The following HPSE2 variants were observed in gnomAD, a reference collection of about 807,000 sequenced individuals.
The protein encoded by HPSE2 is inactive heparanase-2.
A neutral mutation model predicts 60.5 loss-of-function variants in HPSE2; 38 were observed. The ratio of observed to expected loss-of-function variants is 0.63; its 90% CI spans 0.48 to 0.82. The LOEUF (loss-of-function observed/expected upper bound fraction) is 0.82. HPSE2 is among the 40% of genes least tolerant of loss of function. HPSE2 has a pLI of 0.00. For synonymous variants in HPSE2, 295 were observed against 293.2 expected (o/e 1.01, Z -0.06); for missense variants, 713 against 740.4 (o/e 0.96, Z 0.43).
At chr10:98,635,858 G>A (rs935924382) in intron 7 of HPSE2, among the ~76,000 whole-genome samples, 1 of 151,792 alleles carries the variant, frequency 6.6e-6, no homozygotes, top group Admixed American at 6.6e-5. Flanking sequence ...AAAAAAGAAT[G>A]GGATCTTGTC....
intron 11 of HPSE2, among the ~76,000 whole-genome samples, chr10:98,467,963 C>A (rs1365121462): frequency 6.6e-6 from 1 of 152,244 alleles, no homozygotes; most frequent in African/African-American, 2.4e-5. Context: ...GCGCCCGCCA[C>A]GACTCGGCGC....
intron 3 of HPSE2, among the ~76,000 whole-genome samples, chr10:98,804,989 G>A (rs962697916): frequency 6.6e-6 from 1 of 152,144 alleles, no homozygotes; most frequent in African/African-American, 2.4e-5. Flanking sequence ...ACAACAACAT[G>A]GATGGATCTG....
At chr10:98,819,165 TG>T (rs1247059956) in intron 3 of HPSE2, among the ~76,000 whole-genome samples, 2 of 152,096 alleles carry the variant, frequency 1.3e-5, no homozygotes, top group Admixed American at 6.6e-5. Flanking sequence ...AGACTGAGGG[TG>T]CTCCAAAAAA....
At chr10:99,001,759 A>T (rs891294947) in intron 3 of HPSE2, among the ~76,000 whole-genome samples, 11 of 152,114 alleles carry the variant, frequency 7.2e-5, no homozygotes, top group Non-Finnish European at 1.6e-4. Context: ...AGATAATGTT[A>T]TGAGTAAAAA....
chr10:98,607,667 C>G (rs1194474882), intron 9 of HPSE2, among the ~76,000 whole-genome samples: 1 of 152,146 alleles, frequency 6.6e-6, no homozygotes. Flanking sequence ...TTGTTCTTCT[C>G]GTTTTCTAGT....
the HPSE2 span, among the ~76,000 whole-genome samples, chr10:99,249,399 T>C: frequency 2.0e-5 from 3 of 152,246 alleles, no homozygotes; most frequent in Non-Finnish European, 4.4e-5. Context: ...CTTCTGTGTT[T>C]TGGATTTGCA....
At chr10:98,896,823 C>T (rs1276298851) in intron 3 of HPSE2, among the ~76,000 whole-genome samples, 5 of 152,142 alleles carry the variant, frequency 3.3e-5, no homozygotes, top group Non-Finnish European at 7.4e-5. Flanking sequence ...CTAGATAAAA[C>T]TCTGTGACCA....
intron 3 of HPSE2, among the ~76,000 whole-genome samples, chr10:98,867,129 G>C (rs1249936357): frequency 6.6e-6 from 1 of 152,078 alleles, no homozygotes; most frequent in Admixed American, 6.6e-5. Flanking sequence ...AAGGACCTTA[G>C]TAATCTCCTT....
intron 3 of HPSE2, among the ~76,000 whole-genome samples, chr10:98,780,546 T>G (rs1218458913): frequency 6.6e-6 from 1 of 152,128 alleles, no homozygotes; most frequent in East Asian, 1.9e-4. Flanking sequence ...TTGAGAACTT[T>G]CATTCCAACT....
Position 99,165,077 on chromosome 10 carries a change from G to T in HPSE2, c.449-20678C>A, listed in dbSNP as rs570758737. On this transcript the variant is annotated intron_variant, in intron 2 of 11. Coordinates refer to ENST00000370552, the MANE Select transcript of HPSE2 (RefSeq NM_021828.5). The stretch of plus-strand genomic sequence containing the variant: ...CAGTCTGGCAACAGAGCAAGACTCG[G>T]TCTCAAAAAAAAAAAAAAAAAAAAA... Among the ~76,000 whole-genome samples, 21 of 89,154 alleles carry T rather than the reference G, an allele frequency of 2.4e-4. No individual in the cohort carries two copies. The South Asian group carries it at 9.7e-3, about 41-fold the overall frequency. The allele number at this position is 89,154 out of a possible 152,430, so 58.5% of individuals were successfully genotyped here.
At chr10:98,926,208 C>T (rs935330034) in intron 3 of HPSE2, among the ~76,000 whole-genome samples, 5 of 152,148 alleles carry the variant, frequency 3.3e-5, no homozygotes, top group South Asian at 2.1e-4. Context: ...GCCACAAATG[C>T]GTGCTATTGG....
intron 6 of HPSE2, among the ~76,000 whole-genome samples, chr10:98,661,522 T>C (rs138127051): frequency 6.6e-6 from 1 of 152,330 alleles, no homozygotes; most frequent in African/African-American, 2.4e-5. Flanking sequence ...TAAGCACATA[T>C]AAGCAGAGTA....
rs377466677 is a variant in HPSE2 at position 98,611,443 on chromosome 10, T to C, written c.1320+3461A>G. ...AGGCCAGGATGTTCACTTTTCTCAA[T>C]TTATTCAAAAGCACTAGTTTTGGGA... On this transcript the variant is annotated intron_variant, in intron 9 of 11. Transcript: ENST00000370552. 1.8e-4 allele frequency among the ~76,000 whole-genome samples: 27 copies of C among 152,332 alleles called. No individual in the cohort carries two copies. The South Asian group carries it at 5.6e-3, about 32-fold the overall frequency.
chr10:99,072,477 A>G (rs1327379696), intron 3 of HPSE2, among the ~76,000 whole-genome samples: 1 of 152,212 alleles, frequency 6.6e-6, no homozygotes, highest in Non-Finnish European at 1.5e-5. Flanking sequence ...CAACCCCATT[A>G]AAAAGTGGGC....
At chr10:99,104,657 C>T (rs1276642088) in intron 3 of HPSE2, among the ~76,000 whole-genome samples, 6 of 152,150 alleles carry the variant, frequency 3.9e-5, no homozygotes, top group Admixed American at 3.9e-4. Flanking sequence ...GACTTGGAAC[C>T]AACCCAAATG....
the HPSE2 span, among the ~76,000 whole-genome samples, chr10:99,243,319 C>T: frequency 6.6e-6 from 1 of 151,484 alleles, no homozygotes; most frequent in African/African-American, 2.4e-5. Flanking sequence ...CACCACTGCA[C>T]TCCAGCCTCA....
chr10:98,803,824 T>C (rs555438021), intron 3 of HPSE2, among the ~76,000 whole-genome samples: 10 of 151,916 alleles, frequency 6.6e-5, no homozygotes, highest in East Asian at 5.8e-4. Flanking sequence ...TGGTTCCATA[T>C]GAACTTTAAA....
the HPSE2 span, among the ~76,000 whole-genome samples, chr10:99,300,212 G>T: frequency 1.1e-4 from 16 of 152,030 alleles, no homozygotes; most frequent in African/African-American, 3.9e-4. Flanking sequence ...AATCAAGAAC[G>T]CCACTGAAAG....
the HPSE2 span, among the ~76,000 whole-genome samples, chr10:99,305,979 G>GCGCGCGCACACACACACACACACACACA: frequency 3.8e-4 from 31 of 80,568 alleles, no homozygotes; most frequent in East Asian, 7.3e-4. Context: ...GCGCGCGCGC[G>GCGCGCGCACACACACACACACACACACA]CACACACACA....
Sources: allele counts gnomAD v4.1 joint callset (sites outside exome capture counted in the v4.1 genomes callset), GRCh38; gene constraint gnomAD v4.1.1; transcripts MANE v1.5; gene names NCBI Gene and HGNC (gene_info 2026-07-23, HGNC 2026-07-21).